ZNF609: variants seen among roughly 807,000 people sequenced by gnomAD.
The protein encoded by ZNF609 is zinc finger protein 609.
Under a neutral mutation model 109.5 loss-of-function variants are expected in ZNF609, and 11 were observed. The observed-to-expected ratio is 0.10, with a 90% confidence interval of 0.06 to 0.17. ZNF609 has a LOEUF of 0.17. ZNF609 is among the 10% of genes least tolerant of loss of function. The pLI is 1.00. For missense variants in ZNF609, 1,559 were observed against 1,772.4 expected (o/e 0.88, Z 2.16); for synonymous variants, 646 against 662.0 (o/e 0.98, Z 0.37).
intron 2 of ZNF609, among the ~76,000 whole-genome samples, chr15:64,580,955 C>CTTTTTTTTTTTT (rs57690590): frequency 3.4e-5 from 2 of 58,744 alleles, no homozygotes; most frequent in African/African-American, 1.6e-4. Context: ...TCAATGTCTT[C>CTTTTTTTTTTTT]TTTTTTTTTT....
chr15:64,524,315 C>G (rs1433693887), intron 2 of ZNF609, among the ~76,000 whole-genome samples: 1 of 152,332 alleles, frequency 6.6e-6, no homozygotes. Flanking sequence ...CCTGTAATCC[C>G]AGCACTTTGG....
At chr15:64,576,986 G>A (rs9745112) in intron 2 of ZNF609, among the ~76,000 whole-genome samples, 91,298 of 109,338 alleles carry the variant, frequency 0.84, 41,281 homozygotes, top group East Asian at 0.94. Flanking sequence ...ATATATGTAT[G>A]TATACACATA....
intron 2 of ZNF609, among the ~76,000 whole-genome samples, chr15:64,541,278 T>G (rs1261806156): frequency 6.8e-6 from 1 of 147,790 alleles, no homozygotes; most frequent in Non-Finnish European, 1.5e-5. Flanking sequence ...ATACAAAACA[T>G]TGGCCGGGCG....
At chr15:64,663,660 G>T (rs1304164120) in intron 3 of ZNF609, among the ~76,000 whole-genome samples, 1 of 152,068 alleles carries the variant, frequency 6.6e-6, no homozygotes, top group Non-Finnish European at 1.5e-5. Context: ...AGGAGAGTAT[G>T]GTGTTCTGGA....
At chr15:64,602,770 T>G (rs1350965301) in intron 2 of ZNF609, among the ~76,000 whole-genome samples, 3 of 130,058 alleles carry the variant, frequency 2.3e-5, no homozygotes, top group Non-Finnish European at 4.7e-5. Flanking sequence ...TCACCCAGGC[T>G]GGAGTGCAGT....
chr15:64,569,290 A>G (rs928785228), intron 2 of ZNF609, among the ~76,000 whole-genome samples: 3 of 152,192 alleles, frequency 2.0e-5, no homozygotes, highest in African/African-American at 4.8e-5. Context: ...CCTCTATTAT[A>G]TAAGAGTACC....
At chr15:64,604,811 A>G (rs920934359) in intron 2 of ZNF609, among the ~76,000 whole-genome samples, 4 of 151,770 alleles carry the variant, frequency 2.6e-5, no homozygotes, top group African/African-American at 9.7e-5. Flanking sequence ...AATTTAATTT[A>G]TTTAGTTATT....
intron 2 of ZNF609, among the ~76,000 whole-genome samples, chr15:64,576,236 A>G (rs1292581514): frequency 6.6e-6 from 1 of 152,194 alleles, no homozygotes; most frequent in Non-Finnish European, 1.5e-5. Context: ...CTTAGTTTAT[A>G]TTATAACTTA....
At chr15:64,547,082 G>A (rs1050208463) in intron 2 of ZNF609, among the ~76,000 whole-genome samples, 1 of 152,006 alleles carries the variant, frequency 6.6e-6, no homozygotes, top group African/African-American at 2.4e-5. Flanking sequence ...GAGCCACCAC[G>A]CCTGGCCCAG....
intron 2 of ZNF609, among the ~76,000 whole-genome samples, chr15:64,559,670 A>T (rs1350982135): frequency 6.6e-6 from 1 of 152,220 alleles, no homozygotes; most frequent in Non-Finnish European, 1.5e-5. Context: ...CTTTAATAAG[A>T]TCCCCTACCA....
intron 2 of ZNF609, among the ~76,000 whole-genome samples, chr15:64,579,154 G>A (rs972772329): frequency 3.3e-5 from 5 of 151,722 alleles, no homozygotes; most frequent in Non-Finnish European, 7.4e-5. Flanking sequence ...GCCCTCTTTT[G>A]TGTTAAATAG....
intron 2 of ZNF609, chr15:64,528,524 C>T (rs577280004): frequency 2.0e-6 from 1 of 510,582 alleles, no homozygotes; most frequent in East Asian, 3.2e-5. Context: ...CACCCTAGGC[C>T]CCTCCCTCTC....
At chr15:64,531,159 A>C (rs533490394) in intron 2 of ZNF609, among the ~76,000 whole-genome samples, 1 of 152,128 alleles carries the variant, frequency 6.6e-6, no homozygotes, top group Admixed American at 6.6e-5. Context: ...GTTATTTAGC[A>C]CTTTGTGATA....
intron 3 of ZNF609, among the ~76,000 whole-genome samples, chr15:64,643,063 A>G (rs1312334600): frequency 6.6e-6 from 1 of 152,148 alleles, no homozygotes; most frequent in African/African-American, 2.4e-5. Context: ...CTCTAATCAC[A>G]TGTCAAAGTT....
At chr15:64,480,868 AT>A (rs1490841509) in intron 1 of ZNF609, among the ~76,000 whole-genome samples, 1 of 152,204 alleles carries the variant, frequency 6.6e-6, no homozygotes, top group East Asian at 1.9e-4. Flanking sequence ...TTATTTATAC[AT>A]AGATTGATTA....
chr15:64,653,815 TTTC>T (rs1397811583), intron 3 of ZNF609, among the ~76,000 whole-genome samples: 4 of 152,160 alleles, frequency 2.6e-5, no homozygotes, highest in Non-Finnish European at 5.9e-5. Flanking sequence ...GTTATTTTAA[TTTC>T]TTAGTAGTGT....
chr15:64,483,183 C>G (rs928666575), intron 1 of ZNF609, among the ~76,000 whole-genome samples: 16 of 152,058 alleles, frequency 1.1e-4, no homozygotes, highest in Non-Finnish European at 2.2e-4. Context: ...GCAACCTCCA[C>G]CTTCCGGGTT....
At chr15:64,598,746 A>G (rs1395381546) in intron 2 of ZNF609, among the ~76,000 whole-genome samples, 7,234 of 41,286 alleles carry the variant, frequency 0.18, 187 homozygotes, top group Non-Finnish European at 0.22. Flanking sequence ...GTGTGTGTAT[A>G]TATATATATA....
chr15:64,604,204 C>T (rs1402594719), intron 2 of ZNF609, among the ~76,000 whole-genome samples: 1 of 152,110 alleles, frequency 6.6e-6, no homozygotes, highest in Non-Finnish European at 1.5e-5. Flanking sequence ...ATAATGGTTA[C>T]ACCATAGTAA....
Sources: gnomAD v4.1 joint callset for allele counts (sites outside exome capture counted in the v4.1 genomes callset) on GRCh38, gnomAD v4.1.1 for gene constraint, MANE v1.5 for transcripts, NCBI Gene and HGNC (gene_info 2026-07-23, HGNC 2026-07-21) for gene names.